UBAP2: variants seen among roughly 807,000 people sequenced by gnomAD.
The protein encoded by UBAP2 is ubiquitin associated protein 2.
Under a neutral mutation model 139.6 loss-of-function variants are expected in UBAP2, and 75 were observed. The ratio of observed to expected loss-of-function variants is 0.54; its 90% CI spans 0.45 to 0.65. UBAP2 has a LOEUF of 0.65. Among genes scored for constraint, UBAP2 ranks in the 30% least tolerant of loss-of-function variants. The pLI is 0.00. For synonymous variants in UBAP2, 526 were observed against 526.2 expected (o/e 1.00, Z 0.01); for missense variants, 1,368 against 1,369.6 (o/e 1.00, Z 0.02).
At position 33,941,469 on chromosome 9, in the gene UBAP2, C is replaced by CTCA. The variant is rs1476077276; in HGVS notation, c.1929+177_1929+179dup. 4.6e-5 allele frequency among the ~76,000 whole-genome samples: 7 copies of CTCA among 152,328 alleles called. No homozygotes were observed. The East Asian group carries it at 1.3e-3, about 29-fold the overall frequency. Reference sequence around the variant, plus strand: ...ATGAACCTGCAGATCTATCCACACACTCAAGAGCATGGGTGCTAGAGATGC... The same window carrying CTCA: ...ATGAACCTGCAGATCTATCCACACACTCATCAAGAGCATGGGTGCTAGAGATGC... On this transcript the variant is annotated intron_variant, in intron 16 of 28. Transcript: ENST00000379238.
intron 2 of UBAP2, among the ~76,000 whole-genome samples, chr9:34,003,059 G>GTTTT (rs11420628): frequency 6.8e-6 from 1 of 148,142 alleles, no homozygotes. Flanking sequence ...TTCTTTCGTT[G>GTTTT]TTTTTTTTTT....
chr9:34,020,258 C>T (rs894809526), intron 1 of UBAP2, among the ~76,000 whole-genome samples: 1 of 151,806 alleles, frequency 6.6e-6, no homozygotes, highest in Non-Finnish European at 1.5e-5. Flanking sequence ...ATCTGTCCCA[C>T]TGGAAGGTCT....
chr9:33,931,514 C>T (rs1402664592), intron 19 of UBAP2, among the ~76,000 whole-genome samples: 2 of 152,176 alleles, frequency 1.3e-5, no homozygotes, highest in Non-Finnish European at 2.9e-5. Context: ...GGCACTCCTG[C>T]TGAGGTCAGC....
At chr9:33,958,957 T>C (rs1395037829) in intron 10 of UBAP2, among the ~76,000 whole-genome samples, 2 of 151,498 alleles carry the variant, frequency 1.3e-5, no homozygotes, top group Non-Finnish European at 1.5e-5. Flanking sequence ...GAGACCAGCC[T>C]GGCCAACATG....
chr9:33,974,139 A>G (rs945501022), intron 6 of UBAP2, among the ~76,000 whole-genome samples: 8 of 152,156 alleles, frequency 5.3e-5, no homozygotes, highest in African/African-American at 1.9e-4. Flanking sequence ...GCAGTGAGGT[A>G]TGATCAAACC....
At chr9:33,927,528 T>C (rs1174347617) in intron 20 of UBAP2, among the ~76,000 whole-genome samples, 1 of 152,156 alleles carries the variant, frequency 6.6e-6, no homozygotes, top group Non-Finnish European at 1.5e-5. Context: ...AAGTCATCCC[T>C]GGCCCCTCCA....
chr9:33,941,815 G>C lies in UBAP2; in HGVS notation c.1763C>G (p.Ser588Cys). Residue 588 changes from serine (S) to cysteine (C), a missense_variant, in exon 16 of 29, where the codon TCC (serine) becomes TGC (cysteine). Coordinates refer to ENST00000379238, the MANE Select transcript of UBAP2 (RefSeq NM_001370062.2). ...SLSMTSAVQN[S>C]TYTTSVITSC... ...GGTAATGACGGAAGTTGTATATGTG[G>C]AGTTCTGTACTGCACTGGTCATTGA... 6.2e-7 allele frequency: 1 copy of C among 1,613,924 alleles called. No individual in the cohort carries two copies. The highest frequency in any genetic ancestry group is 8.5e-7 in the Non-Finnish European group (1 of 1,179,972).
At chr9:34,022,600 C>T (rs1013327226) in intron 1 of UBAP2, among the ~76,000 whole-genome samples, 1 of 151,612 alleles carries the variant, frequency 6.6e-6, no homozygotes, top group African/African-American at 2.4e-5. Flanking sequence ...CGTGCCCAGC[C>T]GATTTTTTTT....
At chr9:33,954,406 A>C (rs1225826999) in intron 11 of UBAP2, among the ~76,000 whole-genome samples, 1 of 152,082 alleles carries the variant, frequency 6.6e-6, no homozygotes, top group Non-Finnish European at 1.5e-5. Context: ...CAGATATTCC[A>C]ATTTGGACTA....
At chr9:33,982,677 T>A (rs1480258070) in intron 6 of UBAP2, among the ~76,000 whole-genome samples, 1 of 152,176 alleles carries the variant, frequency 6.6e-6, no homozygotes, top group East Asian at 1.9e-4. Flanking sequence ...CCCTGCAGAA[T>A]TTATCTAGCA....
chr9:34,016,249 GA>G (rs1824268327), intron 2 of UBAP2, among the ~76,000 whole-genome samples: 2 of 21,258 alleles, frequency 9.4e-5, no homozygotes, highest in Admixed American at 7.5e-4. Context: ...GGAGGAAGAG[GA>G]GGAGGAGGAA....
At chr9:34,020,162 A>C (rs1051850326) in intron 1 of UBAP2, among the ~76,000 whole-genome samples, 3 of 151,414 alleles carry the variant, frequency 2.0e-5, no homozygotes, top group Non-Finnish European at 4.4e-5. Flanking sequence ...AAAAAAAAAA[A>C]AAAAAAAAAC....
intron 1 of UBAP2, among the ~76,000 whole-genome samples, chr9:34,048,341 G>A (rs1253419585): frequency 6.6e-6 from 1 of 152,192 alleles, no homozygotes; most frequent in Non-Finnish European, 1.5e-5. Context: ...ACTGAACTGT[G>A]ACTCCGGGTA....
At chr9:34,035,680 A>G (rs1409551176) in intron 1 of UBAP2, among the ~76,000 whole-genome samples, 2 of 150,646 alleles carry the variant, frequency 1.3e-5, no homozygotes, top group African/African-American at 4.9e-5. Flanking sequence ...GCGAGACTCC[A>G]TCTCAAAAAT....
intron 2 of UBAP2, among the ~76,000 whole-genome samples, chr9:34,015,685 T>G (rs1340178632): frequency 6.6e-6 from 1 of 152,060 alleles, no homozygotes; most frequent in Non-Finnish European, 1.5e-5. Context: ...TCCTTGTGCT[T>G]TGAAGAAAAG....
chr9:34,020,316 G>A (rs1446978509), intron 1 of UBAP2, among the ~76,000 whole-genome samples: 1 of 150,626 alleles, frequency 6.6e-6, no homozygotes, highest in Non-Finnish European at 1.5e-5. Context: ...TAACAATGCA[G>A]AGCCAATGAT....
At chr9:33,941,543 A>T in intron 16 of UBAP2, 106 bp downstream of exon 16, 1 of 961,806 alleles carries the variant, frequency 1.0e-6, no homozygotes. Flanking sequence ...TCAAAAGGTT[A>T]GTCAATTTGT....
intron 1 of UBAP2, among the ~76,000 whole-genome samples, chr9:34,029,484 A>T (rs986365646): frequency 3.6e-4 from 54 of 150,688 alleles, no homozygotes; most frequent in Admixed American, 3.6e-3. Context: ...AGCCAAGATT[A>T]TGCCACGGCA....
chr9:34,006,774 G>C (rs1823258651), intron 2 of UBAP2, among the ~76,000 whole-genome samples: 1 of 152,036 alleles, frequency 6.6e-6, no homozygotes, highest in Non-Finnish European at 1.5e-5. Flanking sequence ...TATAAATTGT[G>C]AACACCACCA....
Sources: allele counts gnomAD v4.1 joint callset (sites outside exome capture counted in the v4.1 genomes callset), GRCh38; gene constraint gnomAD v4.1.1; transcripts MANE v1.5; gene names NCBI Gene and HGNC (gene_info 2026-07-23, HGNC 2026-07-21).